The following DCAF17 variants were observed in gnomAD, a reference collection of about 807,000 sequenced individuals.
DCAF17 encodes DDB1- and CUL4-associated factor 17.
A neutral mutation model predicts 66.0 loss-of-function variants in DCAF17; 48 were observed. That is an observed-to-expected ratio of 0.73 (90% CI 0.58 to 0.92). The LOEUF (loss-of-function observed/expected upper bound fraction) is 0.92. Among genes scored for constraint, DCAF17 ranks in the 40% least tolerant of loss-of-function variants. The pLI is 0.00. For missense variants in DCAF17, 562 were observed against 622.8 expected, an observed-to-expected ratio of 0.90 and a Z score of 1.04; for synonymous variants, 206 against 214.6, an observed-to-expected ratio of 0.96 and a Z score of 0.35.
chr2:171,470,225 G>A (rs1242268511), intron 9 of DCAF17, among the ~76,000 whole-genome samples: 1 of 151,690 alleles, frequency 6.6e-6, no homozygotes, highest in African/African-American at 2.4e-5. Context: ...GCCTCGCTGT[G>A]TTTCCCTGGG....
At position 171,481,964 on chromosome 2, in the gene DCAF17, C is replaced by G. The variant is rs995585073; in HGVS notation, c.*850C>G. On this transcript the variant is annotated 3_prime_UTR_variant, in exon 14 of 14. Transcript: ENST00000375255. ...AAAGGTACCCTTGCCTGCAGTAGTT[C>G]TGTTTCCTGTAGAAAAGTGGATAAA... is the stretch of plus-strand genomic sequence containing the variant. 2 of 453,938 alleles carry G rather than the reference C, an allele frequency of 4.4e-6. No individual in the cohort carries two copies. The highest frequency in any genetic ancestry group is 4.0e-5 in the African/African-American group (2 of 49,986). 28.1% of individuals were successfully genotyped at this position (453,938 alleles called of 1,614,324 possible).
chr2:171,474,971 C>G (rs1037637535), intron 10 of DCAF17, among the ~76,000 whole-genome samples: 4 of 152,190 alleles, frequency 2.6e-5, no homozygotes, highest in African/African-American at 9.6e-5. Flanking sequence ...TTTTTAAGAA[C>G]ATGAAGAAAT....
intron 8 of DCAF17, among the ~76,000 whole-genome samples, chr2:171,466,874 A>G (rs1213343943): frequency 6.6e-6 from 1 of 151,060 alleles, no homozygotes; most frequent in Non-Finnish European, 1.5e-5. Context: ...TCTTTTAATA[A>G]TTTTTCTCTT....
intron 8 of DCAF17, among the ~76,000 whole-genome samples, chr2:171,467,504 C>A (rs571905094): frequency 6.6e-6 from 1 of 151,884 alleles, no homozygotes; most frequent in Non-Finnish European, 1.5e-5. Flanking sequence ...GCCTGGCCAA[C>A]GTAGTGAAAC....
chr2:171,450,227 C>T (rs188204936), intron 5 of DCAF17, among the ~76,000 whole-genome samples: 4 of 152,124 alleles, frequency 2.6e-5, no homozygotes, highest in African/African-American at 9.6e-5. Flanking sequence ...TCTGGAGACT[C>T]GGGTGAAAGG....
chr2:171,453,333 A>G, intron 6 of DCAF17, 120 bp downstream of exon 6: 3 of 730,258 alleles, frequency 4.1e-6, no homozygotes, highest in Non-Finnish European at 2.2e-6. Flanking sequence ...AAAGTTCACT[A>G]ACTTGGTTTA....
rs998660921 is a variant in DCAF17 at position 171,459,132 on chromosome 2, A to G, written c.838+655A>G. On this transcript the variant is annotated intron_variant, in intron 8 of 13. Coordinates refer to ENST00000375255, the MANE Select transcript of DCAF17 (RefSeq NM_025000.4). ...TGAGACCAGCCTGACCAACGTGGAG[A>G]AACCCCATCTCTACTAAAAATACAA... Among the ~76,000 whole-genome samples, 3 of 152,180 alleles carry G rather than the reference A, an allele frequency of 2.0e-5. No individual in the cohort carries two copies. In the East Asian group the frequency reaches 5.8e-4, roughly 29 times the overall value.
At chr2:171,437,028 C>G (rs1448821210) in intron 2 of DCAF17, among the ~76,000 whole-genome samples, 9 of 151,998 alleles carry the variant, frequency 5.9e-5, no homozygotes, top group Admixed American at 5.9e-4. Flanking sequence ...GCCACCTCGG[C>G]CTCCCAAAGT....
intron 8 of DCAF17, among the ~76,000 whole-genome samples, chr2:171,460,743 T>A (rs1290756414): frequency 1.3e-5 from 2 of 152,022 alleles, no homozygotes; most frequent in African/African-American, 4.8e-5. Flanking sequence ...ACTATGTTGC[T>A]CAATTTGGCC....
At chr2:171,438,746 T>G (rs892550465) in intron 2 of DCAF17, among the ~76,000 whole-genome samples, 5 of 151,710 alleles carry the variant, frequency 3.3e-5, no homozygotes, top group Admixed American at 1.3e-4. Flanking sequence ...CCTTTTTTTT[T>G]CCCCCCCAAA....
intron 10 of DCAF17, 111 bp downstream of exon 10, chr2:171,474,086 T>G: frequency 3.6e-6 from 3 of 834,236 alleles, no homozygotes; most frequent in Non-Finnish European, 6.1e-6. Flanking sequence ...ATAATTAGCT[T>G]GTTGTTGGGT....
At chr2:171,457,251 C>A (rs1373680585) in intron 6 of DCAF17, among the ~76,000 whole-genome samples, 2 of 152,156 alleles carry the variant, frequency 1.3e-5, no homozygotes, top group Non-Finnish European at 2.9e-5. Context: ...TTATTACAGT[C>A]TACAACAGAA....
chr2:171,460,817 T>C (rs569527272), intron 8 of DCAF17, among the ~76,000 whole-genome samples: 1 of 152,250 alleles, frequency 6.6e-6, no homozygotes, highest in Admixed American at 6.5e-5. Context: ...ATTACAGGCA[T>C]GAGCCACTGT....
chr2:171,469,045 A>G lies in DCAF17; in HGVS notation c.981+15A>G. 1.2e-6 allele frequency: 2 copies of G among 1,613,946 alleles called. No homozygotes were observed. Among genetic ancestry groups the G allele is most frequent in the South Asian group, 2.2e-5 (2 of 91,080 alleles). ...ACAATTCCCTGGTAAATGAGTGATC[A>G]GACTTTTTATTAGCAAATTTGTATC... On this transcript the variant is annotated intron_variant, in intron 9 of 13. Coordinates refer to ENST00000375255, the MANE Select transcript of DCAF17 (RefSeq NM_025000.4).
At chr2:171,454,288 ATTTT>A (rs1205261547) in intron 6 of DCAF17, among the ~76,000 whole-genome samples, 1 of 144,562 alleles carries the variant, frequency 6.9e-6, no homozygotes, top group African/African-American at 2.5e-5. Context: ...ATTATTATTA[ATTTT>A]TTTTTTTTTT....
intron 12 of DCAF17, among the ~76,000 whole-genome samples, chr2:171,479,015 T>C (rs1696625566): frequency 6.6e-6 from 1 of 152,130 alleles, no homozygotes; most frequent in African/African-American, 2.4e-5. Flanking sequence ...AAGGAAAAGT[T>C]TGAAGAAATA....
chr2:171,464,932 A>T (rs1695808386), intron 8 of DCAF17, among the ~76,000 whole-genome samples: 1 of 152,174 alleles, frequency 6.6e-6, no homozygotes, highest in Non-Finnish European at 1.5e-5. Context: ...GCGGTGGCTC[A>T]CACCTGTAAT....
intron 8 of DCAF17, among the ~76,000 whole-genome samples, chr2:171,465,189 C>T (rs138943827): frequency 0.036 from 5,371 of 149,828 alleles, 155 homozygotes; most frequent in Admixed American, 0.083. Context: ...CAGAGTGAAA[C>T]TCTGTCTCAA....
intron 6 of DCAF17, among the ~76,000 whole-genome samples, chr2:171,457,200 A>G (rs1695308830): frequency 6.6e-6 from 1 of 152,220 alleles, no homozygotes; most frequent in South Asian, 2.1e-4. Flanking sequence ...TCATAATTTA[A>G]TTGTTCTCTC....
Sources: allele counts gnomAD v4.1 joint callset (sites outside exome capture counted in the v4.1 genomes callset), GRCh38; gene constraint gnomAD v4.1.1; transcripts MANE v1.5; gene names NCBI Gene and HGNC (gene_info 2026-07-23, HGNC 2026-07-21).